The following SYNPO variants were observed in gnomAD, a reference collection of about 807,000 sequenced individuals.
The protein encoded by SYNPO is synaptopodin.
SYNPO carries 19 observed loss-of-function variants against 49.5 expected under a neutral mutation model. The ratio of observed to expected loss-of-function variants is 0.38; its 90% CI spans 0.27 to 0.56. The LOEUF is 0.56. SYNPO is among the 20% of genes least tolerant of loss of function. The pLI, the probability that SYNPO is intolerant of heterozygous loss-of-function variation, is 0.68. For synonymous variants in SYNPO, 536 were observed against 548.0 expected, an observed-to-expected ratio of 0.98 and a Z score of 0.31; for missense variants, 1,131 against 1,248.3, an observed-to-expected ratio of 0.91 and a Z score of 1.42.
rs758701310 is a variant in SYNPO at position 150,656,509 on chromosome 5, CG to C, written c.2135del (p.Arg712ProfsTer5). ...GAGCCCGGGCCCGTGGGAGCCAGGT[CG>C]CGGGAGCAGCATGAGCAGCCCCCCG... is the stretch of plus-strand genomic sequence containing the variant. The part of the protein sequence containing the change: ...WVSPGPWEPG[R>X]GSSMSSPPPL... On this transcript the variant is annotated frameshift_variant, in exon 3 of 3. Transcript: ENST00000307662. LOFTEE classifies it high-confidence loss of function. 1 of 1,531,748 alleles carries C rather than the reference CG, an allele frequency of 6.5e-7. No homozygotes were observed. The highest frequency in any genetic ancestry group is 1.2e-5 in the South Asian group (1 of 83,774). 94.9% of individuals were successfully genotyped at this position (1,531,748 alleles called of 1,614,324 possible).
the SYNPO span, among the ~76,000 whole-genome samples, chr5:150,595,373 G>A: frequency 1.8e-4 from 27 of 152,242 alleles, no homozygotes; most frequent in Non-Finnish European, 3.4e-4. Context: ...ACCCTTCCCT[G>A]TTCTTCCCTG....
the SYNPO span, among the ~76,000 whole-genome samples, chr5:150,586,571 A>AGGATGGATGGAT: frequency 7.8e-3 from 1,172 of 149,798 alleles, 10 homozygotes; most frequent in African/African-American, 0.019. Flanking sequence ...GGTGGATGGA[A>AGGATGGATGGAT]GGATGGATGG....
chr5:150,591,286 A>G, the SYNPO span, among the ~76,000 whole-genome samples: 4 of 152,184 alleles, frequency 2.6e-5, no homozygotes, highest in Admixed American at 2.6e-4. Context: ...TGAGCCCGGG[A>G]CGGGGAGGCT....
At chr5:150,634,647 C>T (rs540823578) in intron 2 of SYNPO, among the ~76,000 whole-genome samples, 11 of 152,100 alleles carry the variant, frequency 7.2e-5, no homozygotes, top group African/African-American at 2.4e-4. Context: ...AGTGAGACCT[C>T]GTCTGTACAA....
chr5:150,632,486 G>A (rs968116265), intron 2 of SYNPO, among the ~76,000 whole-genome samples: 3 of 152,226 alleles, frequency 2.0e-5, no homozygotes, highest in African/African-American at 7.2e-5. Context: ...GGAGGGGGAG[G>A]AGTGTGGAGG....
At chr5:150,656,323 T>C (rs1014866972) in intron 2 of SYNPO, 81 bp from the exon 3 acceptor site, 2 of 1,185,866 alleles carry the variant, frequency 1.7e-6, no homozygotes, top group Non-Finnish European at 2.3e-6. Flanking sequence ...AATGGACAAA[T>C]CGGACTCCGT....
intron 1 of SYNPO, among the ~76,000 whole-genome samples, chr5:150,612,145 G>T (rs1581456031): frequency 6.6e-6 from 1 of 152,332 alleles, no homozygotes; most frequent in South Asian, 2.1e-4. Context: ...TCTTCCTGTT[G>T]TCAGGGAGAA....
intron 2 of SYNPO, among the ~76,000 whole-genome samples, chr5:150,654,713 A>G (rs1581521642): frequency 6.6e-6 from 1 of 152,272 alleles, no homozygotes; most frequent in Admixed American, 6.5e-5. Flanking sequence ...TTCCTTTTGT[A>G]TCTCCATCTG....
At chr5:150,651,837 T>C (rs1369433300) in intron 2 of SYNPO, 3 of 1,000,366 alleles carry the variant, frequency 3.0e-6, no homozygotes, top group African/African-American at 3.5e-5. Context: ...CCATCGCCTC[T>C]GACACTTTTG....
chr5:150,636,717 C>T (rs1757726460), upstream of SYNPO, among the ~76,000 whole-genome samples: 1 of 151,788 alleles, frequency 6.6e-6, no homozygotes, highest in Admixed American at 6.6e-5. Context: ...GCCATGGTGT[C>T]CTCCTCTGAG....
At position 150,602,947 on chromosome 5, in the gene SYNPO, C is replaced by T. The variant is rs4571460; in HGVS notation, c.-266+1759C>T. ...CTTTTGGCCCCCACAAACTAGCAAC[C>T]GCCCTGTAATTCTGTGATTACAGAG... On this transcript the variant is annotated intron_variant, in intron 1 of 2. Transcript: ENST00000394243. Among the ~76,000 whole-genome samples, 808 of 151,544 alleles carry T rather than the reference C, an allele frequency of 5.3e-3. 6 individuals carry two copies. The highest frequency in any genetic ancestry group is 0.019 in the African/African-American group (764 of 41,178).
At chr5:150,651,296 G>T (rs568577812) in intron 2 of SYNPO, 1 of 1,000,962 alleles carries the variant, frequency 1.0e-6, no homozygotes, top group African/African-American at 1.7e-5. Flanking sequence ...GGAGGGTTCC[G>T]GTCCCATGTC....
At chr5:150,593,077 T>C in the SYNPO span, among the ~76,000 whole-genome samples, 1 of 152,270 alleles carries the variant, frequency 6.6e-6, no homozygotes, top group Non-Finnish European at 1.5e-5. Flanking sequence ...CAGAGCTGTA[T>C]TGGTAGCCCA....
intron 1 of SYNPO, among the ~76,000 whole-genome samples, chr5:150,610,622 A>G (rs916844754): frequency 2.6e-5 from 4 of 152,218 alleles, no homozygotes; most frequent in African/African-American, 4.8e-5. Context: ...CACAAAAACA[A>G]TAATTATAAT....
rs772492035 is a variant in SYNPO at position 150,656,812 on chromosome 5, G to A, written c.2437G>A (p.Ala813Thr). Residue 813 changes from alanine (A) to threonine (T), a missense_variant, in exon 3 of 3, where the codon GCT becomes ACT. Physicochemically the swap from Ala to Thr is moderately conservative, Grantham distance 58 (BLOSUM62 0). This residue lies in a region of SYNPO where 509 missense variants were observed against 484.5 expected (regional missense o/e 1.05). Coordinates refer to ENST00000307662, the MANE Select transcript of SYNPO (RefSeq NM_007286.6). Reference sequence around the variant, plus strand: ...GCCACAGCCCGCCCGCCCCGGCTCGGCTGCTGTGCCGGGGGCAGCCTTCGC... The same window carrying A: ...GCCACAGCCCGCCCGCCCCGGCTCGACTGCTGTGCCGGGGGCAGCCTTCGC... ...RSPQPARPGS[A>T]AVPGAAFAPI... 35 of 1,494,612 alleles carry A rather than the reference G, an allele frequency of 2.3e-5. No homozygotes were observed. The highest frequency in any genetic ancestry group is 3.1e-5 in the Non-Finnish European group (35 of 1,127,268). 92.6% of individuals were successfully genotyped at this position (1,494,612 alleles called of 1,614,324 possible).
At chr5:150,632,010 C>T (rs1757557894) in intron 2 of SYNPO, among the ~76,000 whole-genome samples, 1 of 152,192 alleles carries the variant, frequency 6.6e-6, no homozygotes, top group Non-Finnish European at 1.5e-5. Context: ...CTGCCTGTCC[C>T]CTGTTCCATT....
chr5:150,652,715 A>G (rs1018078737), intron 2 of SYNPO: 1 of 152,278 alleles, frequency 6.6e-6, no homozygotes, highest in African/African-American at 2.4e-5. Flanking sequence ...TCTAGCCAGC[A>G]TTCGCTCTCC....
At chr5:150,626,592 A>G (rs1174644817) in intron 2 of SYNPO, among the ~76,000 whole-genome samples, 1 of 152,090 alleles carries the variant, frequency 6.6e-6, no homozygotes, top group Non-Finnish European at 1.5e-5. Flanking sequence ...TAAGGCCTTT[A>G]ACTCCTTCCC....
At chr5:150,593,404 C>T in the SYNPO span, among the ~76,000 whole-genome samples, 1 of 152,252 alleles carries the variant, frequency 6.6e-6, no homozygotes, top group South Asian at 2.1e-4. Context: ...TCAGGCAACA[C>T]TCCTTTCCCT....
Sources: allele counts gnomAD v4.1 joint callset (sites outside exome capture counted in the v4.1 genomes callset), GRCh38; gene constraint gnomAD v4.1.1; regional missense constraint gnomAD v4.1.1; transcripts MANE v1.5; gene names NCBI Gene and HGNC (gene_info 2026-07-23, HGNC 2026-07-21).